The following IFT80 variants were observed in gnomAD, a reference collection of about 807,000 sequenced individuals.
The protein encoded by IFT80 is intraflagellar transport protein 80 homolog.
A neutral mutation model predicts 107.9 loss-of-function variants in IFT80; 79 were observed. The observed-to-expected ratio is 0.73, with a 90% CI of 0.61 to 0.88. The LOEUF (loss-of-function observed/expected upper bound fraction) is 0.88. Among genes scored for constraint, IFT80 ranks in the 40% least tolerant of loss-of-function variants. The probability of loss-of-function intolerance (pLI) is 0.00; values close to 1 mark genes in which losing one functional copy is unlikely to be tolerated. For synonymous variants in IFT80, 299 were observed against 300.9 expected (o/e 0.99, Z 0.07); for missense variants, 797 against 914.2 (o/e 0.87, Z 1.65).
chr3:160,345,693 C>CA (rs75389794), intron 8 of IFT80, among the ~76,000 whole-genome samples: 33,979 of 74,600 alleles, frequency 0.46, 7,399 homozygotes, highest in Non-Finnish European at 0.53. Flanking sequence ...GACTCTGTCT[C>CA]AAAAAAAAAA....
At chr3:160,329,256 A>AT (rs1171694229) in intron 8 of IFT80, among the ~76,000 whole-genome samples, 1 of 152,106 alleles carries the variant, frequency 6.6e-6, no homozygotes, top group Non-Finnish European at 1.5e-5. Flanking sequence ...TTTTAAAGAG[A>AT]TTTTTTTAAC....
At position 160,318,356 on chromosome 3, in the gene IFT80, G is replaced by T. The variant is rs564620112; in HGVS notation, c.957+1404C>A. Among the ~76,000 whole-genome samples the T allele has an allele frequency of 1.4e-4, 21 of 152,074 alleles. No individual in the cohort carries two copies. In the South Asian group the frequency reaches 3.5e-3, roughly 26 times the overall value. On this transcript the variant is annotated intron_variant, in intron 9 of 19. Transcript: ENST00000326448. ...GCTAACAGAATATTTGAATAGACCTGCCCATGCTTCTAAATTTTTATAGTA... is the reference window on the plus strand; with the variant it reads ...GCTAACAGAATATTTGAATAGACCTTCCCATGCTTCTAAATTTTTATAGTA...
chr3:160,382,942 C>T (rs905604828), intron 2 of IFT80, among the ~76,000 whole-genome samples: 15 of 152,230 alleles, frequency 9.9e-5, no homozygotes, highest in African/African-American at 3.1e-4. Context: ...AAACTCAAAA[C>T]ACAATCTAAA....
At chr3:160,362,407 C>G (rs1290729625) in intron 6 of IFT80, among the ~76,000 whole-genome samples, 1 of 152,136 alleles carries the variant, frequency 6.6e-6, no homozygotes, top group African/African-American at 2.4e-5. Flanking sequence ...AGTCCAGGAC[C>G]AGACAGATTC....
intron 19 of IFT80, among the ~76,000 whole-genome samples, chr3:160,266,669 C>G (rs999638348): frequency 3.9e-5 from 6 of 152,162 alleles, no homozygotes; most frequent in Non-Finnish European, 8.8e-5. Context: ...TAGGCTTGAG[C>G]CACCACACCT....
intron 12 of IFT80, among the ~76,000 whole-genome samples, chr3:160,292,419 T>A (rs1288887004): frequency 6.6e-6 from 1 of 151,620 alleles, no homozygotes; most frequent in Non-Finnish European, 1.5e-5. Flanking sequence ...CCAGCATGAG[T>A]ATGGATTCAT....
At chr3:160,365,088 T>A (rs1721776777) in intron 6 of IFT80, among the ~76,000 whole-genome samples, 1 of 152,046 alleles carries the variant, frequency 6.6e-6, no homozygotes, top group South Asian at 2.1e-4. Flanking sequence ...TTTTGCTGTA[T>A]AAATTTCATA....
intron 9 of IFT80, among the ~76,000 whole-genome samples, chr3:160,314,201 C>T (rs1029874947): frequency 6.6e-6 from 1 of 151,998 alleles, no homozygotes; most frequent in African/African-American, 2.4e-5. Context: ...ATAAAATGTC[C>T]TGTAAGAATT....
chr3:160,340,358 C>G (rs560161035), intron 8 of IFT80, among the ~76,000 whole-genome samples: 1 of 152,258 alleles, frequency 6.6e-6, no homozygotes, highest in East Asian at 1.9e-4. Flanking sequence ...CAAATTACCA[C>G]AAATTTAGAG....
intron 12 of IFT80, among the ~76,000 whole-genome samples, 187 bp from the exon 13 acceptor site, chr3:160,286,055 C>T (rs1234180429): frequency 6.6e-6 from 1 of 152,026 alleles, no homozygotes; most frequent in Non-Finnish European, 1.5e-5. Context: ...CTGAATACTT[C>T]TTCCTAAAAC....
intron 11 of IFT80, among the ~76,000 whole-genome samples, chr3:160,302,701 A>AT (rs891557987): frequency 6.6e-6 from 1 of 152,118 alleles, no homozygotes; most frequent in Non-Finnish European, 1.5e-5. Flanking sequence ...CAGAAACATG[A>AT]TTTTTTAGAT....
chr3:160,389,195 A>T (rs1374818683), intron 1 of IFT80, among the ~76,000 whole-genome samples: 2 of 152,188 alleles, frequency 1.3e-5, no homozygotes, highest in Admixed American at 6.5e-5. Flanking sequence ...GAACAGGCCA[A>T]ATTGAACTGT....
intron 7 of IFT80, 62 bp downstream of exon 7, chr3:160,357,427 A>C: frequency 3.4e-6 from 3 of 882,618 alleles, no homozygotes; most frequent in Non-Finnish European, 5.6e-6. Flanking sequence ...GAATATTCTT[A>C]TATGCTAAGT....
chr3:160,381,387 G>A (rs1041653726), intron 3 of IFT80, 116 bp downstream of exon 3: 7 of 779,406 alleles, frequency 9.0e-6, no homozygotes, highest in Non-Finnish European at 1.5e-5. Flanking sequence ...TACAATATGT[G>A]GATAAAAATA....
intron 9 of IFT80, among the ~76,000 whole-genome samples, chr3:160,311,947 A>AT (rs1028580469): frequency 1.1e-4 from 16 of 151,968 alleles, no homozygotes; most frequent in African/African-American, 1.7e-4. Context: ...CACCCGGCTA[A>AT]TTTTTTTGTA....
At chr3:160,370,371 T>C (rs1296882005) in intron 5 of IFT80, among the ~76,000 whole-genome samples, 3 of 144,110 alleles carry the variant, frequency 2.1e-5, no homozygotes, top group African/African-American at 7.4e-5. Flanking sequence ...GTAGTAGCCA[T>C]TTGATTTTTT....
At chr3:160,334,175 T>C (rs954126830) in intron 8 of IFT80, among the ~76,000 whole-genome samples, 10 of 152,198 alleles carry the variant, frequency 6.6e-5, no homozygotes, top group African/African-American at 2.4e-4. Context: ...TTACTGTTAA[T>C]TGTTTTCAGA....
At position 160,258,569 on chromosome 3, in the gene IFT80, A is replaced by G; in HGVS notation, c.2290T>C (p.Ser764Pro). ...EMEITKEREQ[S>P]SSSQSSKSIG... ...CTCTTGCTGGATTGGCTGCTTGATG[A>G]TTGCTCTCTTTCTTTTGTAATTTCC... The change falls in exon 20 of 20, where the codon TCA becomes CCA. Residue 764 changes from serine (S) to proline (P), a missense_variant. Transcript: ENST00000326448. 3.1e-6 allele frequency: 5 copies of G among 1,613,574 alleles called. No individual in the cohort carries two copies. Among genetic ancestry groups the G allele is most frequent in the Non-Finnish European group, 3.4e-6 (4 of 1,179,952 alleles).
Position 160,313,271 on chromosome 3 carries a change from A to C in IFT80, c.958-5490T>G, listed in dbSNP as rs1185720389. 2.0e-5 allele frequency among the ~76,000 whole-genome samples: 3 copies of C among 149,820 alleles called. No homozygotes were observed. The East Asian group carries it at 5.9e-4, about 29-fold the overall frequency. On this transcript the variant is annotated intron_variant, in intron 9 of 19. Coordinates refer to ENST00000326448, the MANE Select transcript of IFT80 (RefSeq NM_020800.3). ...CTAGTAGAATGATATAAAAACTTTAAAGGGAAGTTGTATGTTAGTTTCTTT... is the reference window on the plus strand; with the variant it reads ...CTAGTAGAATGATATAAAAACTTTACAGGGAAGTTGTATGTTAGTTTCTTT...
Sources: allele counts gnomAD v4.1 joint callset (sites outside exome capture counted in the v4.1 genomes callset), GRCh38; gene constraint gnomAD v4.1.1; transcripts MANE v1.5; gene names NCBI Gene and HGNC (gene_info 2026-07-23, HGNC 2026-07-21).